Variants in SIPA1L1 observed in about 807,000 individuals in gnomAD.
SIPA1L1 encodes signal induced proliferation associated 1 like 1.
In SIPA1L1, 26 loss-of-function variants were observed where a neutral mutation model predicts 162.7. The observed-to-expected ratio is 0.16, with a 90% CI of 0.12 to 0.22. The LOEUF (loss-of-function observed/expected upper bound fraction) is 0.22, where lower values mean the gene tolerates loss of function less well. SIPA1L1 is among the 10% of genes least tolerant of loss of function. The pLI is 1.00. For missense variants in SIPA1L1, 1,874 were observed against 2,241.0 expected (o/e 0.84, Z 3.31); for synonymous variants, 829 against 837.4 (o/e 0.99, Z 0.17).
chr14:71,586,035 T>C (rs1296826500), intron 4 of SIPA1L1, among the ~76,000 whole-genome samples: 1 of 152,202 alleles, frequency 6.6e-6, no homozygotes, highest in African/African-American at 2.4e-5. Context: ...AGTCTGACAG[T>C]AGAAGTATCT....
At chr14:71,643,169 G>A (rs983121802) in intron 7 of SIPA1L1, among the ~76,000 whole-genome samples, 2 of 152,132 alleles carry the variant, frequency 1.3e-5, no homozygotes, top group Non-Finnish European at 2.9e-5. Flanking sequence ...TGCAGAAAAT[G>A]ACACCAACAG....
At chr14:71,380,757 C>G (rs1248547959) in intron 2 of SIPA1L1, among the ~76,000 whole-genome samples, 1 of 152,102 alleles carries the variant, frequency 6.6e-6, no homozygotes, top group Non-Finnish European at 1.5e-5. Flanking sequence ...TTTTTCAGGC[C>G]TTTTAGATCC....
chr14:71,707,259 T>C (rs1433658716), intron 16 of SIPA1L1, among the ~76,000 whole-genome samples: 3 of 152,132 alleles, frequency 2.0e-5, no homozygotes, highest in Non-Finnish European at 4.4e-5. Context: ...AAATTCTTAT[T>C]TGGGAAACTC....
At chr14:71,598,526 G>C (rs1318017886) in intron 5 of SIPA1L1, among the ~76,000 whole-genome samples, 1 of 152,114 alleles carries the variant, frequency 6.6e-6, no homozygotes, top group Non-Finnish European at 1.5e-5. Flanking sequence ...GAAACTATCA[G>C]ACAAACCCAA....
intron 6 of SIPA1L1, 63 bp from the exon 7 acceptor site, chr14:71,623,985 T>G: frequency 7.1e-7 from 1 of 1,411,296 alleles, no homozygotes; most frequent in Admixed American, 2.1e-5. Flanking sequence ...CTGCAGTGCA[T>G]GTACATGTGT....
chr14:71,697,236 G>A (rs1454405339), intron 13 of SIPA1L1, among the ~76,000 whole-genome samples: 1 of 152,162 alleles, frequency 6.6e-6, no homozygotes, highest in East Asian at 1.9e-4. Context: ...CCAGGCTGCA[G>A]GTGAGAGAAA....
At chr14:71,433,526 C>G (rs897788368) in intron 2 of SIPA1L1, among the ~76,000 whole-genome samples, 8 of 152,066 alleles carry the variant, frequency 5.3e-5, no homozygotes, top group Admixed American at 3.3e-4. Flanking sequence ...CATGTTACCT[C>G]GGCTGGTCTC....
Position 71,675,139 on chromosome 14 carries a change from C to A in SIPA1L1, c.3104+2517C>A, listed in dbSNP as rs560758274. On this transcript the variant is annotated intron_variant, in intron 12 of 23. Coordinates refer to ENST00000381232, the MANE Select transcript of SIPA1L1 (RefSeq NM_001386936.1). ...CCAAGCTACCGATGTGATGTCACTG[C>A]AGGCAGCATTGGGGTAGATGGGATG... Among the ~76,000 whole-genome samples, 4 of 152,336 alleles carry A rather than the reference C, an allele frequency of 2.6e-5. No individual in the cohort carries two copies. In the East Asian group the frequency reaches 7.7e-4, roughly 29 times the overall value.
At chr14:71,393,777 T>C (rs137887700) in intron 2 of SIPA1L1, among the ~76,000 whole-genome samples, 1 of 152,348 alleles carries the variant, frequency 6.6e-6, no homozygotes, top group East Asian at 1.9e-4. Flanking sequence ...GCCATGATCA[T>C]GCTACTGCAT....
In SIPA1L1 at chr14:71,739,272, A is replaced by G; in HGVS notation, c.*111A>G. ...CTCAGAGCACCTTCCCTGGCTTCCTACTCTGCCCCCTTTCGGGGAGTGCAC... is the reference window on the plus strand; with the variant it reads ...CTCAGAGCACCTTCCCTGGCTTCCTGCTCTGCCCCCTTTCGGGGAGTGCAC... On this transcript the variant is annotated 3_prime_UTR_variant, in exon 24 of 24. Coordinates refer to ENST00000381232, the MANE Select transcript of SIPA1L1 (RefSeq NM_001386936.1). 9.4e-7 allele frequency: 1 copy of G among 1,063,110 alleles called. No homozygotes were observed. Among genetic ancestry groups the G allele is most frequent in the East Asian group, 2.6e-5 (1 of 38,620 alleles). The allele number at this position is 1,063,110 out of a possible 1,614,324, so 65.9% of individuals were successfully genotyped here.
chr14:71,725,079 C>T (rs1214470367), intron 19 of SIPA1L1, among the ~76,000 whole-genome samples: 1 of 152,216 alleles, frequency 6.6e-6, no homozygotes, highest in African/African-American at 2.4e-5. Context: ...GCTGTTTATT[C>T]TTCTGCTGTG....
chr14:71,477,327 C>G (rs2047950081), intron 2 of SIPA1L1, among the ~76,000 whole-genome samples: 1 of 152,104 alleles, frequency 6.6e-6, no homozygotes, highest in African/African-American at 2.4e-5. Context: ...TAACACTGAT[C>G]TGTTCCCCAT....
chr14:71,626,692 T>A (rs899920168), intron 7 of SIPA1L1, among the ~76,000 whole-genome samples: 1 of 152,308 alleles, frequency 6.6e-6, no homozygotes, highest in South Asian at 2.1e-4. Flanking sequence ...TTAAAGAGAT[T>A]CATAGTGTGA....
intron 17 of SIPA1L1, among the ~76,000 whole-genome samples, chr14:71,711,566 ATCTTGTC>A (rs1206256018): frequency 9.2e-5 from 14 of 152,184 alleles, no homozygotes; most frequent in African/African-American, 3.4e-4. Flanking sequence ...GGTTATAGAG[ATCTTGTC>A]TCAAATGGCA....
intron 2 of SIPA1L1, among the ~76,000 whole-genome samples, chr14:71,510,167 TCCC>T (rs1029354835): frequency 7.4e-6 from 1 of 135,934 alleles, no homozygotes; most frequent in South Asian, 2.4e-4. Flanking sequence ...TTCCCCTTAA[TCCC>T]CCCCACCTTT....
intron 4 of SIPA1L1, among the ~76,000 whole-genome samples, chr14:71,539,646 A>AT (rs2054207211): frequency 6.6e-6 from 1 of 152,138 alleles, no homozygotes; most frequent in Non-Finnish European, 1.5e-5. Flanking sequence ...TGACAGATGG[A>AT]TTTTGTAGCC....
intron 4 of SIPA1L1, among the ~76,000 whole-genome samples, chr14:71,559,612 A>C (rs2056623102): frequency 6.6e-6 from 1 of 152,228 alleles, no homozygotes; most frequent in Non-Finnish European, 1.5e-5. Context: ...ATAAGTATAG[A>C]GTAATAAAAA....
intron 12 of SIPA1L1, among the ~76,000 whole-genome samples, 168 bp downstream of exon 12, chr14:71,672,790 C>T (rs909501518): frequency 6.6e-6 from 1 of 152,154 alleles, no homozygotes. Context: ...AGCTCCCTTT[C>T]AGTGTGTGGT....
intron 4 of SIPA1L1, among the ~76,000 whole-genome samples, chr14:71,558,612 G>A (rs2056541585): frequency 6.6e-6 from 1 of 152,182 alleles, no homozygotes. Context: ...TGTGCACTTA[G>A]GTAGTTTGCT....
Sources: allele counts gnomAD v4.1 joint callset (sites outside exome capture counted in the v4.1 genomes callset), GRCh38; gene constraint gnomAD v4.1.1; transcripts MANE v1.5; gene names NCBI Gene and HGNC (gene_info 2026-07-23, HGNC 2026-07-21).